The following UNC13C variants were observed in gnomAD, a reference collection of about 807,000 sequenced individuals.
UNC13C encodes the protein protein unc-13 homolog C.
A neutral mutation model predicts 245.4 loss-of-function variants in UNC13C; 174 were observed. The observed-to-expected ratio is 0.71, with a 90% CI of 0.63 to 0.80. The LOEUF (loss-of-function observed/expected upper bound fraction) is 0.80. Among genes scored for constraint, UNC13C ranks in the 30% least tolerant of loss-of-function variants. UNC13C has a pLI of 0.00. For synonymous variants in UNC13C, 992 were observed against 895.1 expected (o/e 1.11, Z -1.93); for missense variants, 2,829 against 2,602.9 (o/e 1.09, Z -1.89).
At chr15:53,909,705 T>C in the UNC13C span, among the ~76,000 whole-genome samples, 1 of 146,806 alleles carries the variant, frequency 6.8e-6, no homozygotes, top group African/African-American at 2.4e-5. Flanking sequence ...AAGAGTATTC[T>C]AAGTCTGGTG....
intron 19 of UNC13C, among the ~76,000 whole-genome samples, chr15:54,439,730 T>A (rs914640564): frequency 6.6e-6 from 1 of 151,998 alleles, no homozygotes; most frequent in Non-Finnish European, 1.5e-5. Context: ...AGGATCAAGA[T>A]AGGATATTTA....
At chr15:54,310,385 C>A (rs1291659228) in intron 13 of UNC13C, among the ~76,000 whole-genome samples, 2 of 151,902 alleles carry the variant, frequency 1.3e-5, no homozygotes, top group African/African-American at 4.8e-5. Context: ...GCTGAAAGCT[C>A]TGCAAAGAGC....
chr15:53,930,226 C>A, the UNC13C span, among the ~76,000 whole-genome samples: 4 of 152,144 alleles, frequency 2.6e-5, no homozygotes, highest in African/African-American at 7.2e-5. Context: ...CATGGCCTCT[C>A]TCTTCCTCAT....
intron 17 of UNC13C, among the ~76,000 whole-genome samples, chr15:54,356,662 A>C (rs1432514276): frequency 6.6e-6 from 1 of 152,184 alleles, no homozygotes; most frequent in African/African-American, 2.4e-5. Context: ...GCAGAGTTTT[A>C]TTATTTGATA....
intron 18 of UNC13C, among the ~76,000 whole-genome samples, chr15:54,401,161 A>C (rs2040174673): frequency 6.6e-6 from 1 of 152,164 alleles, no homozygotes; most frequent in South Asian, 2.1e-4. Flanking sequence ...TTTTAACCTA[A>C]AGTATTTTAT....
At chr15:54,324,804 C>T (rs1424758333) in intron 14 of UNC13C, among the ~76,000 whole-genome samples, 1 of 151,952 alleles carries the variant, frequency 6.6e-6, no homozygotes, top group Non-Finnish European at 1.5e-5. Context: ...GTCAGTGAAG[C>T]AATTGAGGTT....
chr15:54,013,896 T>G lies in UNC13C; in HGVS notation c.993T>G (p.Phe331Leu), dbSNP rs752355854. The G allele has an allele frequency of 1.2e-6, 2 of 1,613,232 alleles. No homozygotes were observed. Among genetic ancestry groups the G allele is most frequent in the South Asian group, 1.1e-5 (1 of 91,042 alleles). The change falls in exon 2 of 33, where the codon TTT (phenylalanine) becomes TTG (leucine). Residue 331 changes from phenylalanine (F) to leucine (L), a missense_variant. Transcript: ENST00000260323. Reference protein sequence around the residue: ...LRFLNVTEERFEYVESVVYQI... With the variant: ...LRFLNVTEERLEYVESVVYQI... The stretch of plus-strand genomic sequence containing the variant: ...TTTTAAATGTGACTGAAGAAAGATT[T>G]GAATATGTTGAAAGCGTGGTGTACC...
Position 54,035,693 on chromosome 15 carries a change from A to G in UNC13C, c.2983+19807A>G, listed in dbSNP as rs115596552. On this transcript the variant is annotated intron_variant, in intron 2 of 32. Transcript: ENST00000260323. ...CACTCAGAGAAAAACGTGGAAGCCA[A>G]TTTGCACAGGCATGGGAAGTTTTCC... is the stretch of plus-strand genomic sequence containing the variant. 8.3e-3 allele frequency among the ~76,000 whole-genome samples: 1,270 copies of G among 152,256 alleles called. 22 individuals are homozygous for G. Among genetic ancestry groups the G allele is most frequent in the African/African-American group, 0.03 (1,226 of 41,528 alleles).
intron 21 of UNC13C, among the ~76,000 whole-genome samples, chr15:54,500,501 A>G (rs1249934367): frequency 1.3e-5 from 2 of 152,078 alleles, no homozygotes; most frequent in South Asian, 2.1e-4. Flanking sequence ...AGGAGCAGAC[A>G]TTCTCCCAGT....
At chr15:54,441,798 A>G (rs1890541517) in intron 19 of UNC13C, among the ~76,000 whole-genome samples, 2 of 152,050 alleles carry the variant, frequency 1.3e-5, no homozygotes, top group African/African-American at 4.8e-5. Context: ...TGTTTTAACA[A>G]TATTTCTTCT....
At chr15:53,876,831 C>T in the UNC13C span, among the ~76,000 whole-genome samples, 8 of 152,058 alleles carry the variant, frequency 5.3e-5, no homozygotes, top group Non-Finnish European at 8.8e-5. Context: ...CAAATAAATA[C>T]AGAGATGAAT....
At chr15:54,537,644 C>A (rs1470976981) in intron 26 of UNC13C, among the ~76,000 whole-genome samples, 1 of 151,930 alleles carries the variant, frequency 6.6e-6, no homozygotes, top group Non-Finnish European at 1.5e-5. Context: ...ACACATAGAC[C>A]AATGAAACAG....
At chr15:54,551,086 T>C (rs937705850) in intron 28 of UNC13C, among the ~76,000 whole-genome samples, 1 of 152,102 alleles carries the variant, frequency 6.6e-6, no homozygotes, top group Non-Finnish European at 1.5e-5. Context: ...AATTTTATAG[T>C]CCAGGGGTAA....
intron 1 of UNC13C, among the ~76,000 whole-genome samples, chr15:53,987,417 G>A (rs1355989388): frequency 6.6e-6 from 1 of 152,006 alleles, no homozygotes; most frequent in East Asian, 1.9e-4. Flanking sequence ...AAGAGGAACA[G>A]AAAAGAGATT....
intron 19 of UNC13C, among the ~76,000 whole-genome samples, chr15:54,453,039 G>A (rs1440648271): frequency 6.6e-6 from 1 of 152,120 alleles, no homozygotes; most frequent in Non-Finnish European, 1.5e-5. Context: ...TCTCAAAATG[G>A]CACCATTTTG....
At chr15:53,879,173 A>T in the UNC13C span, among the ~76,000 whole-genome samples, 1 of 152,144 alleles carries the variant, frequency 6.6e-6, no homozygotes, top group East Asian at 1.9e-4. Context: ...TGATTCATTT[A>T]TTTTTAGACA....
chr15:54,101,758 G>T (rs1450086456), intron 2 of UNC13C, among the ~76,000 whole-genome samples: 1 of 151,946 alleles, frequency 6.6e-6, no homozygotes, highest in African/African-American at 2.4e-5. Flanking sequence ...GCTAGTTTTT[G>T]TATTTTTAGT....
At chr15:54,397,802 G>T (rs1357089350) in intron 18 of UNC13C, among the ~76,000 whole-genome samples, 1 of 151,058 alleles carries the variant, frequency 6.6e-6, no homozygotes, top group Non-Finnish European at 1.5e-5. Flanking sequence ...TTTGTTAATA[G>T]TACATAGATA....
chr15:54,572,636 G>A (rs1032560054), intron 30 of UNC13C, among the ~76,000 whole-genome samples: 1 of 151,868 alleles, frequency 6.6e-6, no homozygotes, highest in Non-Finnish European at 1.5e-5. Context: ...ATGTTGGCCA[G>A]GCTGGTCTCA....
Sources: allele counts gnomAD v4.1 joint callset (sites outside exome capture counted in the v4.1 genomes callset), GRCh38; gene constraint gnomAD v4.1.1; transcripts MANE v1.5; gene names NCBI Gene and HGNC (gene_info 2026-07-23, HGNC 2026-07-21).